Variants in NCAM2 observed in about 807,000 individuals in gnomAD.
The protein encoded by NCAM2 is neural cell adhesion molecule 2, also known as N-CAM-2.
In NCAM2, 30 loss-of-function variants were observed where a neutral mutation model predicts 98.1. The observed-to-expected ratio is 0.31, with a 90% CI of 0.23 to 0.41. The LOEUF (loss-of-function observed/expected upper bound fraction) is 0.41, where lower values mean the gene tolerates loss of function less well. NCAM2 is among the 10% of genes least tolerant of loss of function. The pLI is 1.00. For missense variants in NCAM2, 867 were observed against 1,005.8 expected, an observed-to-expected ratio of 0.86 and a Z score of 1.87; for synonymous variants, 368 against 342.4, an observed-to-expected ratio of 1.07 and a Z score of -0.83.
At chr21:21,060,084 G>T (rs1482642990) in intron 1 of NCAM2, among the ~76,000 whole-genome samples, 1 of 152,008 alleles carries the variant, frequency 6.6e-6, no homozygotes, top group Admixed American at 6.6e-5. Flanking sequence ...TGAGGATTGC[G>T]TTTGTACATG....
intron 16 of NCAM2, among the ~76,000 whole-genome samples, chr21:21,515,426 C>G (rs1039040889): frequency 6.6e-6 from 1 of 152,072 alleles, no homozygotes; most frequent in Non-Finnish European, 1.5e-5. Context: ...ATGTTTCTAC[C>G]TATAACCACT....
chr21:21,511,598 A>T (rs557822856), intron 16 of NCAM2, among the ~76,000 whole-genome samples: 49 of 151,944 alleles, frequency 3.2e-4, no homozygotes, highest in Non-Finnish European at 4.9e-4. Flanking sequence ...AAAATTTTTG[A>T]TATATACCAA....
At chr21:21,458,613 C>T (rs916588239) in intron 12 of NCAM2, among the ~76,000 whole-genome samples, 4 of 152,138 alleles carry the variant, frequency 2.6e-5, no homozygotes, top group African/African-American at 4.8e-5. Flanking sequence ...GGAAGCAGGC[C>T]GTCACCAGAC....
intron 1 of NCAM2, among the ~76,000 whole-genome samples, chr21:21,083,904 C>G (rs1378584788): frequency 1.3e-5 from 2 of 152,094 alleles, no homozygotes; most frequent in African/African-American, 4.8e-5. Flanking sequence ...TAAATTTACC[C>G]CAACTTTACT....
intron 1 of NCAM2, among the ~76,000 whole-genome samples, chr21:21,084,112 C>G (rs1333570352): frequency 6.6e-6 from 1 of 152,070 alleles, no homozygotes; most frequent in African/African-American, 2.4e-5. Context: ...TGTAGAAGGC[C>G]GTTGTTTTGC....
chr21:21,164,662 T>A (rs544791736), intron 1 of NCAM2, among the ~76,000 whole-genome samples: 1 of 152,340 alleles, frequency 6.6e-6, no homozygotes, highest in South Asian at 2.1e-4. Context: ...TTTAAACCTA[T>A]TATGAATTTT....
intron 1 of NCAM2, among the ~76,000 whole-genome samples, chr21:21,146,488 C>CAATA (rs1178259116): frequency 1.4e-5 from 2 of 147,966 alleles, no homozygotes; most frequent in African/African-American, 5.0e-5. Context: ...AATATATACT[C>CAATA]AATAGAATAT....
rs531965711 is a variant in NCAM2, at chr21:21,202,526, C to T, written c.56-78052C>T. Among the ~76,000 whole-genome samples, 249 of 145,304 alleles carry T rather than the reference C, an allele frequency of 1.7e-3. 2 individuals carry two copies. The highest frequency in any genetic ancestry group is 1.8e-3 in the Non-Finnish European group (121 of 66,780). On this transcript the variant is annotated intron_variant, in intron 1 of 17. Coordinates refer to ENST00000400546, the MANE Select transcript of NCAM2 (RefSeq NM_004540.5). ...CCATCTCCCAGGTTCAAGCGGTTCT[C>T]CTGCCTCAGCCTCCCAAGTAGCTGG...
At chr21:21,212,957 G>T (rs182803099) in intron 1 of NCAM2, among the ~76,000 whole-genome samples, 85 of 152,074 alleles carry the variant, frequency 5.6e-4, no homozygotes, top group African/African-American at 2.0e-3. Context: ...AGCCAGGATG[G>T]TCTCGATCTC....
chr21:21,174,069 G>A lies in NCAM2; in HGVS notation c.56-106509G>A, dbSNP rs369804463. On this transcript the variant is annotated intron_variant, in intron 1 of 17. Transcript: ENST00000400546. The stretch of plus-strand genomic sequence containing the variant: ...CTCCCAAGTAGCTGTGATTACGAGC[G>A]TGCGCCACTACGCCCTAATTTTTGT... 5.1e-4 allele frequency among the ~76,000 whole-genome samples: 78 copies of A among 152,156 alleles called. 2 individuals are homozygous for A. The South Asian group carries it at 0.011, about 22-fold the overall frequency.
At chr21:21,425,102 G>A (rs868262889) in intron 11 of NCAM2, among the ~76,000 whole-genome samples, 20 of 137,398 alleles carry the variant, frequency 1.5e-4, no homozygotes, top group South Asian at 2.5e-4. Context: ...GGTATACAAC[G>A]AGGGAAATTT....
intron 1 of NCAM2, among the ~76,000 whole-genome samples, chr21:21,113,653 T>G (rs1216286516): frequency 6.6e-6 from 1 of 152,184 alleles, no homozygotes; most frequent in Non-Finnish European, 1.5e-5. Flanking sequence ...CAAAGTGTGT[T>G]TGTCAATTCA....
intron 9 of NCAM2, among the ~76,000 whole-genome samples, chr21:21,382,623 C>G (rs536077847): frequency 6.6e-6 from 1 of 151,350 alleles, no homozygotes; most frequent in Admixed American, 6.6e-5. Context: ...TCAAGCGATT[C>G]TCCTGCCCCA....
intron 5 of NCAM2, among the ~76,000 whole-genome samples, chr21:21,299,129 A>G (rs1162065719): frequency 6.6e-6 from 1 of 151,754 alleles, no homozygotes; most frequent in Non-Finnish European, 1.5e-5. Flanking sequence ...GCCATCTGAC[A>G]TTGTGGAGAT....
At chr21:21,524,828 A>G (rs900433252) in intron 16 of NCAM2, among the ~76,000 whole-genome samples, 1 of 152,152 alleles carries the variant, frequency 6.6e-6, no homozygotes, top group Non-Finnish European at 1.5e-5. Flanking sequence ...TCATACCACA[A>G]TGGAATTATA....
intron 1 of NCAM2, among the ~76,000 whole-genome samples, chr21:21,077,940 A>C (rs530282947): frequency 6.6e-6 from 1 of 152,116 alleles, no homozygotes; most frequent in African/African-American, 2.4e-5. Flanking sequence ...TGTACCAGTA[A>C]ATTTTGGAGG....
intron 11 of NCAM2, among the ~76,000 whole-genome samples, chr21:21,430,550 C>A (rs2077312231): frequency 6.6e-6 from 1 of 151,926 alleles, no homozygotes; most frequent in Non-Finnish European, 1.5e-5. Flanking sequence ...AAGCAGGCAC[C>A]TTCACAGGGC....
chr21:21,013,184 A>T (rs921573230), intron 1 of NCAM2, among the ~76,000 whole-genome samples: 3 of 152,234 alleles, frequency 2.0e-5, no homozygotes, highest in African/African-American at 7.2e-5. Flanking sequence ...AAGCCAAAAT[A>T]GGCCAAAAGC....
At chr21:21,269,523 A>T (rs1452492150) in intron 1 of NCAM2, among the ~76,000 whole-genome samples, 1 of 152,202 alleles carries the variant, frequency 6.6e-6, no homozygotes, top group East Asian at 1.9e-4. Flanking sequence ...TGTGCTACTG[A>T]AAACCTACAC....
Sources: gnomAD v4.1 joint callset for allele counts (sites outside exome capture counted in the v4.1 genomes callset) on GRCh38, gnomAD v4.1.1 for gene constraint, MANE v1.5 for transcripts, NCBI Gene and HGNC (gene_info 2026-07-23, HGNC 2026-07-21) for gene names.